The following PLSCR2 variants were observed in gnomAD, a reference collection of about 807,000 sequenced individuals.
PLSCR2 encodes PL scramblase 2.
Under a neutral mutation model 25.3 loss-of-function variants are expected in PLSCR2, and 18 were observed. The ratio of observed to expected loss-of-function variants is 0.71; its 90% CI spans 0.49 to 1.06. The LOEUF is 1.06. Ranked by LOEUF, PLSCR2 falls within the 50% of genes least tolerant of loss-of-function variation. The pLI is 0.00. For synonymous variants in PLSCR2, 88 were observed against 87.3 expected (o/e 1.01, Z -0.04); for missense variants, 243 against 269.5 (o/e 0.90, Z 0.69).
chr3:146,471,702 G>C (rs1392833889), intron 1 of PLSCR2, among the ~76,000 whole-genome samples: 5 of 152,136 alleles, frequency 3.3e-5, no homozygotes, highest in African/African-American at 1.2e-4. Context: ...AAGTAGCTGG[G>C]ATTACAGGCA....
At chr3:146,438,643 C>T (rs1347497051), downstream of PLSCR2, among the ~76,000 whole-genome samples, 4 of 152,096 alleles carry the variant, frequency 2.6e-5, no homozygotes, top group African/African-American at 9.7e-5. Context: ...CTTCCTGCAT[C>T]CCTTTATTTT....
At chr3:146,457,998 C>A (rs1373111190) in intron 3 of PLSCR2, among the ~76,000 whole-genome samples, 1 of 152,178 alleles carries the variant, frequency 6.6e-6, no homozygotes, top group African/African-American at 2.4e-5. Context: ...AACTTATGAA[C>A]CTCCTCCCGT....
chr3:146,403,588 G>A (rs1199127956), intron 2 of PLSCR2, among the ~76,000 whole-genome samples: 1 of 152,008 alleles, frequency 6.6e-6, no homozygotes, highest in African/African-American at 2.4e-5. Context: ...GAGTTACTGT[G>A]GCTATTTCTC....
chr3:146,439,580 A>C (rs911300716), downstream of PLSCR2, among the ~76,000 whole-genome samples: 1 of 151,798 alleles, frequency 6.6e-6, no homozygotes, highest in Non-Finnish European at 1.5e-5. Context: ...TACTGTGTGC[A>C]TGCATCACGT....
At chr3:146,471,046 TG>T (rs1234805348) in intron 1 of PLSCR2, among the ~76,000 whole-genome samples, 1 of 6,178 alleles carries the variant, frequency 1.6e-4, no homozygotes, top group Non-Finnish European at 7.0e-4. Flanking sequence ...TTTGTTTTTT[TG>T]TTTTTTTTTT....
At chr3:146,426,069 T>A (rs1244453754) in intron 2 of PLSCR2, among the ~76,000 whole-genome samples, 1 of 152,192 alleles carries the variant, frequency 6.6e-6, no homozygotes, top group Non-Finnish European at 1.5e-5. Flanking sequence ...ACTGAGAATT[T>A]TTTTGAATTC....
chr3:146,432,163 T>C (rs910179849), downstream of PLSCR2, among the ~76,000 whole-genome samples: 2 of 152,176 alleles, frequency 1.3e-5, no homozygotes, highest in Non-Finnish European at 2.9e-5. Flanking sequence ...TAAGAATATC[T>C]GTATGAACTT....
At chr3:146,458,424 A>AATTTGC (rs2041349350) in exon 3 of PLSCR2, 1 of 1,506,040 alleles carries the variant, frequency 6.6e-7, no homozygotes, top group South Asian at 1.2e-5. Context: ...CCAGAAGTTC[A>AATTTGC]ATTTGCTGAT....
Position 146,470,337 on chromosome 3 carries a change from G to A in PLSCR2, c.-292-10053C>T, listed in dbSNP as rs769367181. Among the ~76,000 whole-genome samples the A allele has an allele frequency of 1.4e-3, 219 of 152,184 alleles. 3 individuals are homozygous for A. The Middle Eastern group carries it at 0.017, about 12-fold the overall frequency. On this transcript the variant is annotated intron_variant, in intron 1 of 8. Transcript: ENST00000336685. ...AGGCAGGCGGATCACCTGAGACCAGGAGTTCAAGACCAGCCTGGACAACAT... is the reference window on the plus strand; with the variant it reads ...AGGCAGGCGGATCACCTGAGACCAGAAGTTCAAGACCAGCCTGGACAACAT...
chr3:146,404,059 T>C (rs761054507), intron 2 of PLSCR2, among the ~76,000 whole-genome samples: 10 of 152,122 alleles, frequency 6.6e-5, no homozygotes, highest in Non-Finnish European at 1.2e-4. Flanking sequence ...TCAATTGGAA[T>C]TAGTTTAGCC....
intron 1 of PLSCR2, among the ~76,000 whole-genome samples, chr3:146,491,393 T>C (rs2108579554): frequency 6.6e-6 from 1 of 152,272 alleles, no homozygotes; most frequent in Middle Eastern, 3.4e-3. Context: ...ATTTTCACAC[T>C]GAAAATTCTC....
chr3:146,479,925 A>G lies in PLSCR2; in HGVS notation c.-293+15970T>C, dbSNP rs1319526620. ...TACAATCAAATTAGAACTTAGGATT[A>G]AGAAACTCACTCAAAACCACACAAC... On this transcript the variant is annotated intron_variant, in intron 1 of 8. Coordinates refer to the PLSCR2 transcript ENST00000336685. Among the ~76,000 whole-genome samples the G allele has an allele frequency of 2.6e-5, 4 of 152,354 alleles. No individual in the cohort carries two copies. The East Asian group carries it at 7.7e-4, about 29-fold the overall frequency.
chr3:146,488,980 C>G (rs985280690), intron 1 of PLSCR2, among the ~76,000 whole-genome samples: 1 of 152,062 alleles, frequency 6.6e-6, no homozygotes, highest in Non-Finnish European at 1.5e-5. Flanking sequence ...TGGAATACTA[C>G]GCAGCCATAA....
At chr3:146,417,275 G>C (rs959071836) in intron 2 of PLSCR2, among the ~76,000 whole-genome samples, 3 of 152,024 alleles carry the variant, frequency 2.0e-5, no homozygotes, top group Non-Finnish European at 4.4e-5. Context: ...AAATATTGCA[G>C]AACTTACATT....
At chr3:146,416,130 T>G (rs1194613576) in intron 2 of PLSCR2, among the ~76,000 whole-genome samples, 1 of 151,932 alleles carries the variant, frequency 6.6e-6, no homozygotes, top group Non-Finnish European at 1.5e-5. Flanking sequence ...TTTTGTATTT[T>G]TAGTAGAGAC....
chr3:146,425,611 G>A (rs993243427), intron 2 of PLSCR2, among the ~76,000 whole-genome samples: 1 of 152,086 alleles, frequency 6.6e-6, no homozygotes, highest in African/African-American at 2.4e-5. Context: ...AAAGGATTCT[G>A]GGGAGTATGA....
intron 2 of PLSCR2, among the ~76,000 whole-genome samples, chr3:146,412,935 C>T (rs1181235160): frequency 6.6e-6 from 1 of 152,118 alleles, no homozygotes; most frequent in Admixed American, 6.5e-5. Flanking sequence ...CAGATGTGAA[C>T]TACTGATTAG....
At chr3:146,414,457 T>C (rs926176117) in intron 2 of PLSCR2, among the ~76,000 whole-genome samples, 1 of 152,220 alleles carries the variant, frequency 6.6e-6, no homozygotes, top group Non-Finnish European at 1.5e-5. Context: ...TAAAACAATT[T>C]AGTATAATTC....
chr3:146,462,947 G>A (rs1234714553), upstream of PLSCR2, among the ~76,000 whole-genome samples: 1 of 152,082 alleles, frequency 6.6e-6, no homozygotes, highest in Non-Finnish European at 1.5e-5. Flanking sequence ...CTCCAGGAAT[G>A]GTTCAGCTAA....
Sources: gnomAD v4.1 joint callset for allele counts (sites outside exome capture counted in the v4.1 genomes callset) on GRCh38, gnomAD v4.1.1 for gene constraint, MANE v1.5 for transcripts, NCBI Gene and HGNC (gene_info 2026-07-23, HGNC 2026-07-21) for gene names.